Variants in DST observed in about 807,000 individuals in gnomAD.
DST encodes dystonin, also known as bullous pemphigoid antigen.
A neutral mutation model predicts 875.2 loss-of-function variants in DST; 253 were observed. The observed-to-expected ratio is 0.29, with a 90% CI of 0.26 to 0.32. The LOEUF is 0.32. DST is among the 10% of genes least tolerant of loss of function. The pLI is 1.00. For synonymous variants in DST, 3,124 were observed against 3,197.1 expected, an observed-to-expected ratio of 0.98 and a Z score of 0.77; for missense variants, 8,287 against 9,111.6, an observed-to-expected ratio of 0.91 and a Z score of 3.68.
chr6:56,944,624 C>T (rs1818473558), intron 2 of DST, among the ~76,000 whole-genome samples: 9 of 152,158 alleles, frequency 5.9e-5, no homozygotes, highest in Admixed American at 5.9e-4. Flanking sequence ...AAATGGTAGA[C>T]TCGACCTATC....
intron 4 of DST, among the ~76,000 whole-genome samples, chr6:56,831,331 A>G (rs2153060548): frequency 1.3e-5 from 2 of 152,346 alleles, no homozygotes; most frequent in Middle Eastern, 6.8e-3. Context: ...TCTTGTTTAT[A>G]TTAAAGTAGT....
At position 56,650,918 on chromosome 6, in the gene DST, A is replaced by C; in HGVS notation, c.1434+8T>G. 6.4e-7 allele frequency: 1 copy of C among 1,569,286 alleles called. No homozygotes were observed. Among genetic ancestry groups the C allele is most frequent in the Non-Finnish European group, 8.7e-7 (1 of 1,143,198 alleles). On this transcript the variant is annotated splice_region_variant and intron_variant, in intron 12 of 103. Coordinates refer to ENST00000680361, the MANE Select transcript of DST (RefSeq NM_001374736.1). ...AACAGCTTCCGGTGTGGAAAAATCAATACTCACATTTGCACCAATGCCTTC... is the reference window on the plus strand; with the variant it reads ...AACAGCTTCCGGTGTGGAAAAATCACTACTCACATTTGCACCAATGCCTTC...
intron 2 of DST, among the ~76,000 whole-genome samples, chr6:56,951,170 C>T (rs1429345305): frequency 6.6e-6 from 1 of 152,172 alleles, no homozygotes; most frequent in Non-Finnish European, 1.5e-5. Flanking sequence ...CCAAGTAGAG[C>T]ATCAAAGTAC....
intron 4 of DST, among the ~76,000 whole-genome samples, chr6:56,780,483 T>A (rs1300556852): frequency 6.6e-6 from 1 of 151,528 alleles, no homozygotes; most frequent in Non-Finnish European, 1.5e-5. Context: ...CCAGTGATGA[T>A]GAGCATTTTT....
chr6:56,815,361 A>C (rs1199209591), intron 4 of DST, among the ~76,000 whole-genome samples: 2 of 152,150 alleles, frequency 1.3e-5, no homozygotes, highest in Non-Finnish European at 2.9e-5. Context: ...TATAAACACA[A>C]ATTTTAAATT....
intron 74 of DST, among the ~76,000 whole-genome samples, chr6:56,509,322 G>A (rs1211631617): frequency 6.6e-6 from 1 of 152,084 alleles, no homozygotes; most frequent in Non-Finnish European, 1.5e-5. Context: ...CAGTAATGAG[G>A]AAAAAACCCC....
chr6:56,789,289 G>A (rs1490894353), intron 4 of DST, among the ~76,000 whole-genome samples: 1 of 151,972 alleles, frequency 6.6e-6, no homozygotes, highest in African/African-American at 2.4e-5. Flanking sequence ...AGCTATAATT[G>A]CACTACTGCA....
chr6:56,653,217 A>G (rs940003812), intron 10 of DST, among the ~76,000 whole-genome samples: 1 of 152,238 alleles, frequency 6.6e-6, no homozygotes, highest in African/African-American at 2.4e-5. Context: ...TCAGAATGAC[A>G]TAGTCATTTC....
chr6:56,472,217 G>C lies in DST; in HGVS notation c.22000C>G (p.Arg7334Gly). The C allele has an allele frequency of 6.2e-7, 1 of 1,613,502 alleles. No homozygotes were observed. Among genetic ancestry groups the C allele is most frequent in the Non-Finnish European group, 8.5e-7 (1 of 1,179,638 alleles). ...VLDKGRAGRK[R>G]FPASSLYPSG... ...GGATACAAGCTTGATGCTGGAAAGCGTTTTCCTGTGAAGGTATAACTTCGG... is the reference window on the plus strand; with the variant it reads ...GGATACAAGCTTGATGCTGGAAAGCCTTTTCCTGTGAAGGTATAACTTCGG... Residue 7334 changes from arginine (R) to glycine (G), a missense_variant, in exon 94 of 104, where the codon CGC (arginine) becomes GGC (glycine). Arg to Gly is a moderately radical substitution (Grantham distance 125). Transcript: ENST00000680361.
intron 10 of DST, among the ~76,000 whole-genome samples, chr6:56,658,031 G>A (rs1328033463): frequency 6.6e-6 from 1 of 151,878 alleles, no homozygotes; most frequent in East Asian, 1.9e-4. Context: ...CCCCCCAACT[G>A]CTGGTATTAT....
intron 49 of DST, among the ~76,000 whole-genome samples, chr6:56,585,435 G>A (rs1312868584): frequency 1.3e-5 from 2 of 151,980 alleles, no homozygotes; most frequent in Non-Finnish European, 2.9e-5. Context: ...GGGATTGGTG[G>A]TGATATCCCC....
intron 4 of DST, among the ~76,000 whole-genome samples, chr6:56,826,365 T>G (rs2099780469): frequency 6.6e-6 from 1 of 152,232 alleles, no homozygotes; most frequent in Non-Finnish European, 1.5e-5. Flanking sequence ...CAATATTTTA[T>G]ATGCATGAAA....
chr6:56,586,359 T>C lies in DST; in HGVS notation c.12903+5823A>G, dbSNP rs1186870779. Among the ~76,000 whole-genome samples the C allele has an allele frequency of 2.0e-5, 3 of 151,794 alleles. No individual in the cohort carries two copies. In the East Asian group the frequency reaches 5.8e-4, roughly 29 times the overall value. On this transcript the variant is annotated intron_variant, in intron 49 of 103. Coordinates refer to ENST00000680361, the MANE Select transcript of DST (RefSeq NM_001374736.1). ...CCTTTACCATTATGTAATGGCCTTC[T>C]TTGTCTCTTTTGATCTTTGTTGGTT...
At chr6:56,870,842 T>C (rs1019808998) in intron 3 of DST, among the ~76,000 whole-genome samples, 1 of 152,032 alleles carries the variant, frequency 6.6e-6, no homozygotes, top group East Asian at 1.9e-4. Context: ...GGTATGTTAA[T>C]TATCAGATAT....
chr6:56,764,767 G>A (rs1320625983), intron 4 of DST, among the ~76,000 whole-genome samples: 1 of 152,106 alleles, frequency 6.6e-6, no homozygotes, highest in Non-Finnish European at 1.5e-5. Context: ...AGACCAGGCT[G>A]GCCAACATGG....
chr6:56,843,099 T>C (rs781218482), intron 4 of DST: 39 of 1,572,570 alleles, frequency 2.5e-5, no homozygotes, highest in Non-Finnish European at 3.3e-5. Context: ...GAGATACTCC[T>C]GCTCCTCCAC....
chr6:56,485,414 C>T lies in DST; in HGVS notation c.21105G>A (p.Gln7035=). The part of the protein sequence containing the change: ...LFSGQFTDAL[Q]ALIDWLYRVE... ...CTCTATATAACCAATCAATGAGAGC[C>T]TGTAGGGCATCTGTGAATTGTCCAG... Residue 7035 remains glutamine (Q), a synonymous_variant, in exon 88 of 104, where the codon CAG becomes CAA. Coordinates refer to ENST00000680361, the MANE Select transcript of DST (RefSeq NM_001374736.1). 6.2e-7 allele frequency: 1 copy of T among 1,613,962 alleles called. No homozygotes were observed. The highest frequency in any genetic ancestry group is 1.3e-5 in the African/African-American group (1 of 75,064).
intron 13 of DST, 118 bp downstream of exon 13, chr6:56,648,452 T>C (rs959907089): frequency 2.1e-6 from 2 of 953,682 alleles, no homozygotes; most frequent in African/African-American, 3.4e-5. Flanking sequence ...TTTGCCTACT[T>C]ATTAATGGCT....
In DST at chr6:56,592,329, A is replaced by T; in HGVS notation, c.12756T>A (p.Asp4252Glu). ...CATAGTGTTGATATTTATCCACCAG[A>T]TCTTTAAGATTATTTCCAAGAACAT... The part of the protein sequence containing the change: ...KCNVLGNNLK[D>E]LVDKYQHYED... The change falls in exon 49 of 104, where the codon GAT (aspartate) becomes GAA (glutamate). Residue 4252 changes from aspartate (D) to glutamate (E), a missense_variant. Asp to Glu is a conservative substitution (Grantham distance 45). This residue lies in a region of DST where 1,513 missense variants were observed against 1,677.8 expected (regional missense o/e 0.90). Coordinates refer to ENST00000680361, the MANE Select transcript of DST (RefSeq NM_001374736.1). 6.2e-7 allele frequency: 1 copy of T among 1,601,956 alleles called. No individual in the cohort carries two copies. Among genetic ancestry groups the T allele is most frequent in the Non-Finnish European group, 8.5e-7 (1 of 1,173,280 alleles).
Sources: allele counts gnomAD v4.1 joint callset (sites outside exome capture counted in the v4.1 genomes callset), GRCh38; gene constraint gnomAD v4.1.1; regional missense constraint gnomAD v4.1.1; transcripts MANE v1.5; gene names NCBI Gene and HGNC (gene_info 2026-07-23, HGNC 2026-07-21).